PRKG1: variants seen among roughly 807,000 people sequenced by gnomAD.
The protein encoded by PRKG1 is cGMP-dependent protein kinase 1.
In PRKG1, 35 loss-of-function variants were observed where a neutral mutation model predicts 88.1. The observed-to-expected ratio is 0.40, with a 90% CI of 0.30 to 0.53. PRKG1 has a LOEUF of 0.53. Ranked by LOEUF, PRKG1 falls within the 20% of genes least tolerant of loss-of-function variation. PRKG1 has a pLI of 0.59. For synonymous variants in PRKG1, 303 were observed against 292.5 expected (o/e 1.04, Z -0.37); for missense variants, 540 against 839.8 (o/e 0.64, Z 4.41).
At chr10:51,595,149 C>A (rs1047622282) in intron 3 of PRKG1, among the ~76,000 whole-genome samples, 1 of 152,042 alleles carries the variant, frequency 6.6e-6, no homozygotes, top group Non-Finnish European at 1.5e-5. Context: ...CAGCTCAAGA[C>A]CAGTCTAGGC....
At chr10:52,186,705 T>C (rs1839210500) in intron 9 of PRKG1, among the ~76,000 whole-genome samples, 1 of 152,082 alleles carries the variant, frequency 6.6e-6, no homozygotes, top group African/African-American at 2.4e-5. Context: ...CAAAAATGTT[T>C]TAAGACATCA....
chr10:52,013,022 C>T (rs541656928), intron 5 of PRKG1, among the ~76,000 whole-genome samples: 127 of 152,154 alleles, frequency 8.3e-4, no homozygotes, highest in Middle Eastern at 6.8e-3. Flanking sequence ...TGGTCCTTGC[C>T]CTTAGGAATG....
chr10:51,672,674 A>AGGAG (rs1743452142), intron 3 of PRKG1, among the ~76,000 whole-genome samples: 2 of 152,188 alleles, frequency 1.3e-5, no homozygotes, highest in African/African-American at 4.8e-5. Context: ...TGGATGTTAC[A>AGGAG]TGTCTTCCTA....
At chr10:52,204,104 TTA>T (rs1491089557) in intron 9 of PRKG1, among the ~76,000 whole-genome samples, 7 of 29,228 alleles carry the variant, frequency 2.4e-4, no homozygotes, top group African/African-American at 5.0e-4. Context: ...ATTATTATTA[TTA>T]TTTTTTGTTT....
chr10:51,602,863 C>T (rs1258039334), intron 3 of PRKG1, among the ~76,000 whole-genome samples: 1 of 150,406 alleles, frequency 6.6e-6, no homozygotes, highest in African/African-American at 2.5e-5. Context: ...CATATGTATT[C>T]TTTTTCCTAG....
At position 51,522,785 on chromosome 10, in the gene PRKG1, G is replaced by A. The variant is rs910303767; in HGVS notation, c.592+54949G>A. Among the ~76,000 whole-genome samples, 5 of 152,150 alleles carry A rather than the reference G, an allele frequency of 3.3e-5. No homozygotes were observed. The South Asian group carries it at 8.3e-4, about 25-fold the overall frequency. ...CTTTTTTTTAAAGAATATTATGTCA[G>A]TGTCAATCATAGGCAATTCTGAAAT... is the stretch of plus-strand genomic sequence containing the variant. On this transcript the variant is annotated intron_variant, in intron 3 of 17. Transcript: ENST00000373980.
At chr10:51,150,820 T>C (rs9633538) in intron 1 of PRKG1, among the ~76,000 whole-genome samples, 79,142 of 151,812 alleles carry the variant, frequency 0.52, 20,925 homozygotes, top group African/African-American at 0.62. Context: ...TGGATAATTC[T>C]AAGGAATTGT....
chr10:51,212,269 A>T (rs1325040836), intron 2 of PRKG1, among the ~76,000 whole-genome samples: 1 of 151,814 alleles, frequency 6.6e-6, no homozygotes, highest in Non-Finnish European at 1.5e-5. Context: ...CCATATGTAG[A>T]AAGCTGAAAC....
At chr10:50,997,198 C>T (rs1842845007) in intron 1 of PRKG1, among the ~76,000 whole-genome samples, 1 of 152,084 alleles carries the variant, frequency 6.6e-6, no homozygotes, top group African/African-American at 2.4e-5. Context: ...GCATCGGTAC[C>T]AGAGTTGGTG....
At chr10:51,864,393 A>G (rs1840963509) in intron 4 of PRKG1, among the ~76,000 whole-genome samples, 1 of 152,190 alleles carries the variant, frequency 6.6e-6, no homozygotes, top group Non-Finnish European at 1.5e-5. Context: ...CATATTCTAC[A>G]TGTGTGATGA....
At chr10:51,229,893 T>G (rs1374808135) in intron 2 of PRKG1, among the ~76,000 whole-genome samples, 1 of 141,724 alleles carries the variant, frequency 7.1e-6, no homozygotes, top group Non-Finnish European at 1.5e-5. Flanking sequence ...TGCCACTGCT[T>G]CTGTCAGCCT....
At chr10:51,670,924 T>C (rs920202900) in intron 3 of PRKG1, among the ~76,000 whole-genome samples, 3 of 152,044 alleles carry the variant, frequency 2.0e-5, no homozygotes, top group Non-Finnish European at 4.4e-5. Context: ...ACTAATATTT[T>C]GCTCTATTTT....
intron 5 of PRKG1, among the ~76,000 whole-genome samples, chr10:52,014,111 AGG>A (rs1274185464): frequency 2.6e-5 from 4 of 152,154 alleles, no homozygotes; most frequent in Non-Finnish European, 5.9e-5. Flanking sequence ...TTGAAGTATG[AGG>A]GGACTAGTTT....
intron 2 of PRKG1, among the ~76,000 whole-genome samples, chr10:51,292,882 C>T (rs757812470): frequency 3.9e-5 from 6 of 152,078 alleles, no homozygotes; most frequent in Non-Finnish European, 7.4e-5. Flanking sequence ...CCCATTTTAT[C>T]TACTTAATGA....
At chr10:51,282,045 G>T (rs1412746603) in intron 2 of PRKG1, among the ~76,000 whole-genome samples, 2 of 152,208 alleles carry the variant, frequency 1.3e-5, no homozygotes, top group Non-Finnish European at 2.9e-5. Flanking sequence ...ATGTTAGTAA[G>T]CAGAGTGTAA....
chr10:51,861,687 A>T (rs1018623536), intron 4 of PRKG1, among the ~76,000 whole-genome samples: 1 of 152,240 alleles, frequency 6.6e-6, no homozygotes, highest in African/African-American at 2.4e-5. Context: ...TAAAAATAGA[A>T]ATCTTTACGA....
chr10:51,379,442 A>C lies in PRKG1; in HGVS notation c.479-88281A>C, dbSNP rs191833115. Among the ~76,000 whole-genome samples the C allele has an allele frequency of 5.4e-4, 83 of 152,356 alleles. 1 individual carries two copies. Among genetic ancestry groups the C allele is most frequent in the African/African-American group, 1.9e-3 (78 of 41,592 alleles). On this transcript the variant is annotated intron_variant, in intron 2 of 17. Transcript: ENST00000373980. Reference sequence around the variant, plus strand: ...AAGAGCATAAGAAGCAAAATATCCAAAAGATATTAGTTGCTGTGGTCATTA... The same window carrying C: ...AAGAGCATAAGAAGCAAAATATCCACAAGATATTAGTTGCTGTGGTCATTA...
chr10:52,064,064 C>A (rs1028086427), intron 7 of PRKG1, among the ~76,000 whole-genome samples: 10 of 152,184 alleles, frequency 6.6e-5, no homozygotes, highest in Admixed American at 2.6e-4. Context: ...CAGGCCCTCC[C>A]TGGTCTGAAG....
intron 3 of PRKG1, among the ~76,000 whole-genome samples, chr10:51,760,860 A>G (rs1838003206): frequency 6.6e-6 from 1 of 152,134 alleles, no homozygotes; most frequent in Non-Finnish European, 1.5e-5. Flanking sequence ...GATGCCTGTA[A>G]TCTTAGCACC....
Sources: allele counts gnomAD v4.1 joint callset (sites outside exome capture counted in the v4.1 genomes callset), GRCh38; gene constraint gnomAD v4.1.1; transcripts MANE v1.5; gene names NCBI Gene and HGNC (gene_info 2026-07-23, HGNC 2026-07-21).